STK39: variants seen among roughly 807,000 people sequenced by gnomAD.
STK39 encodes the protein STE20/SPS1-related proline-alanine-rich protein kinase.
STK39 carries 20 observed loss-of-function variants against 77.8 expected under a neutral mutation model. The ratio of observed to expected loss-of-function variants is 0.26; its 90% CI spans 0.18 to 0.37. STK39 has a LOEUF of 0.37. Ranked by LOEUF, STK39 falls within the 10% of genes least tolerant of loss-of-function variation. STK39 has a pLI of 1.00. For missense variants in STK39, 479 were observed against 656.5 expected (o/e 0.73, Z 2.95); for synonymous variants, 246 against 234.1 (o/e 1.05, Z -0.47).
Position 168,153,642 on chromosome 2 carries a change from G to C in STK39, c.628+8145C>G, listed in dbSNP as rs1378752880. Among the ~76,000 whole-genome samples the C allele has an allele frequency of 2.0e-5, 3 of 150,864 alleles. No homozygotes were observed. In the East Asian group the frequency reaches 5.8e-4, roughly 29 times the overall value. On this transcript the variant is annotated intron_variant, in intron 5 of 17. Transcript: ENST00000355999. ...GCAGGGAATACAAAATATGGGGTGG[G>C]GGGGGGTTACAATATGAGGCCTGGA...
chr2:168,235,891 T>C (rs989717002), intron 1 of STK39, among the ~76,000 whole-genome samples: 15 of 152,172 alleles, frequency 9.9e-5, no homozygotes, highest in African/African-American at 3.6e-4. Context: ...TCTTTGCTAC[T>C]GTGAATAGTG....
At chr2:168,156,104 A>G (rs1021522337) in intron 5 of STK39, among the ~76,000 whole-genome samples, 1 of 152,220 alleles carries the variant, frequency 6.6e-6, no homozygotes, top group African/African-American at 2.4e-5. Flanking sequence ...GTATGGCCAG[A>G]ACCCTTGCAA....
In STK39 at chr2:168,000,429, C is replaced by T. The variant is rs568206095; in HGVS notation, c.1498+12205G>A. ...CTACAGTGCCTGAGGCTGAGAAGCC[C>T]ATTAGAATAACCGATAGCATTTTTA... On this transcript the variant is annotated intron_variant, in intron 16 of 17. Transcript: ENST00000355999. 2.0e-5 allele frequency among the ~76,000 whole-genome samples: 3 copies of T among 152,266 alleles called. No individual in the cohort carries two copies. In the South Asian group the frequency reaches 6.2e-4, roughly 32 times the overall value.
intron 17 of STK39, 138 bp from the exon 18 acceptor site, chr2:167,955,708 C>A (rs74969437): frequency 1.3e-6 from 1 of 758,064 alleles, no homozygotes; most frequent in Non-Finnish European, 2.2e-6. Flanking sequence ...AGAAGAGAGA[C>A]GCCAGCCACT....
chr2:168,095,824 A>G (rs568621029), intron 10 of STK39, among the ~76,000 whole-genome samples: 20 of 152,016 alleles, frequency 1.3e-4, no homozygotes, highest in African/African-American at 1.9e-4. Flanking sequence ...TGACCTTCCT[A>G]TATACATAAA....
chr2:167,983,989 C>A (rs1477174066), intron 16 of STK39, among the ~76,000 whole-genome samples: 1 of 152,046 alleles, frequency 6.6e-6, no homozygotes, highest in Non-Finnish European at 1.5e-5. Flanking sequence ...CCCCTCTGTG[C>A]TGGGGGTCAA....
intron 2 of STK39, among the ~76,000 whole-genome samples, chr2:168,171,477 G>A (rs6744178): frequency 0.33 from 47,092 of 142,474 alleles, 8,085 homozygotes; most frequent in East Asian, 0.51. Flanking sequence ...AATAAAAAAA[G>A]GGAAAAAAAA....
At chr2:168,128,063 T>G (rs1687591518) in intron 10 of STK39, among the ~76,000 whole-genome samples, 1 of 151,952 alleles carries the variant, frequency 6.6e-6, no homozygotes, top group African/African-American at 2.4e-5. Context: ...GCAGGCCACT[T>G]AACAAGGAGC....
intron 14 of STK39, among the ~76,000 whole-genome samples, chr2:168,055,584 TG>T (rs1685502984): frequency 6.6e-6 from 1 of 152,200 alleles, no homozygotes; most frequent in East Asian, 1.9e-4. Context: ...AGCAAATTGA[TG>T]GGACATACCA....
At chr2:167,976,786 A>G (rs899686212) in intron 16 of STK39, among the ~76,000 whole-genome samples, 1 of 152,142 alleles carries the variant, frequency 6.6e-6, no homozygotes, top group Non-Finnish European at 1.5e-5. Flanking sequence ...TGTCTTTGAA[A>G]AACCCCTAGC....
chr2:167,956,722 TC>T (rs1559032419), intron 17 of STK39, among the ~76,000 whole-genome samples: 661 of 63,886 alleles, frequency 0.01, 43 homozygotes, highest in Admixed American at 0.058. Flanking sequence ...TCTCTCTCTC[TC>T]TCTCTCCCCC....
chr2:168,085,277 A>C (rs1249124275), intron 10 of STK39, among the ~76,000 whole-genome samples: 1 of 152,206 alleles, frequency 6.6e-6, no homozygotes, highest in African/African-American at 2.4e-5. Flanking sequence ...TTGAGAGGGG[A>C]GCCAAGAGCC....
chr2:167,979,412 T>C (rs1364676446), intron 16 of STK39, among the ~76,000 whole-genome samples: 1 of 152,240 alleles, frequency 6.6e-6, no homozygotes, highest in African/African-American at 2.4e-5. Context: ...AAGTTTACTT[T>C]GCATTTCTCT....
At chr2:168,129,829 CT>C in intron 8 of STK39, 71 bp from the exon 9 acceptor site, 1 of 1,543,506 alleles carries the variant, frequency 6.5e-7, no homozygotes, top group Non-Finnish European at 8.9e-7. Flanking sequence ...GATGAAACAA[CT>C]TAACCTTAAG....
intron 17 of STK39, chr2:167,964,399 G>A (rs1574349203): frequency 2.6e-6 from 1 of 377,918 alleles, no homozygotes; most frequent in East Asian, 5.5e-5. Flanking sequence ...AAATGATCTA[G>A]GCTTCAAGAT....
intron 4 of STK39, among the ~76,000 whole-genome samples, chr2:168,162,935 G>A (rs111687404): frequency 0.058 from 8,810 of 151,644 alleles, 478 homozygotes; most frequent in African/African-American, 0.13. Flanking sequence ...GCTGAGACAG[G>A]AGAATTGCTT....
chr2:168,187,302 G>C (rs1027662773), intron 1 of STK39, among the ~76,000 whole-genome samples: 2 of 151,356 alleles, frequency 1.3e-5, no homozygotes, highest in East Asian at 3.9e-4. Flanking sequence ...AGTGAGCTGA[G>C]ATCATGCCAC....
At position 168,243,308 on chromosome 2, in the gene STK39, A is replaced by G. The variant is rs146997494; in HGVS notation, c.208+3920T>C. ...ATTTTACAAGAGGCTGTTGCTCCTT[A>G]AAGACCTGGCCATATGTGCTATTAC... is the stretch of plus-strand genomic sequence containing the variant. On this transcript the variant is annotated intron_variant, in intron 1 of 17. Coordinates refer to ENST00000355999, the MANE Select transcript of STK39 (RefSeq NM_013233.3). Among the ~76,000 whole-genome samples the G allele has an allele frequency of 3.8e-3, 584 of 152,336 alleles. 3 individuals are homozygous for G. Among genetic ancestry groups the G allele is most frequent in the African/African-American group, 0.014 (565 of 41,580 alleles).
intron 16 of STK39, among the ~76,000 whole-genome samples, chr2:168,005,763 T>C (rs1395321353): frequency 1.3e-5 from 2 of 152,154 alleles, no homozygotes; most frequent in East Asian, 3.9e-4. Context: ...TCCTCCAAAC[T>C]GTGCAAGGAG....
Sources: gnomAD v4.1 joint callset for allele counts (sites outside exome capture counted in the v4.1 genomes callset) on GRCh38, gnomAD v4.1.1 for gene constraint, MANE v1.5 for transcripts, NCBI Gene and HGNC (gene_info 2026-07-23, HGNC 2026-07-21) for gene names.